GPC5: variants seen among roughly 807,000 people sequenced by gnomAD.
GPC5 encodes the protein glypican 5.
A neutral mutation model predicts 53.9 loss-of-function variants in GPC5; 47 were observed. That is an observed-to-expected ratio of 0.87 (90% CI 0.69 to 1.11). The LOEUF is 1.11. GPC5 is among the 50% of genes most tolerant of loss of function. GPC5 has a pLI of 0.00. For synonymous variants in GPC5, 286 were observed against 263.3 expected, an observed-to-expected ratio of 1.09 and a Z score of -0.84; for missense variants, 748 against 713.1, an observed-to-expected ratio of 1.05 and a Z score of -0.56.
intron 2 of GPC5, among the ~76,000 whole-genome samples, chr13:91,571,691 C>T (rs993221840): frequency 6.6e-6 from 1 of 150,514 alleles, no homozygotes; most frequent in Non-Finnish European, 1.5e-5. Flanking sequence ...TGCCCCTTCA[C>T]TCCAGCCTAC....
intron 7 of GPC5, among the ~76,000 whole-genome samples, chr13:92,507,353 A>G (rs1023849901): frequency 6.6e-6 from 1 of 152,226 alleles, no homozygotes; most frequent in Non-Finnish European, 1.5e-5. Context: ...CAAACGCTTG[A>G]TGAGTAAATG....
In GPC5 at chr13:91,960,477, AC is replaced by A. The variant is rs199883842; in HGVS notation, c.1401+52421del. ...CTTTCCAATCAATATTATTAAAATG[AC>A]TGTCTTAGCCAAAGCAATCTATAGA... is the stretch of plus-strand genomic sequence containing the variant. On this transcript the variant is annotated intron_variant, in intron 6 of 7. Coordinates refer to ENST00000377067, the MANE Select transcript of GPC5 (RefSeq NM_004466.6). Among the ~76,000 whole-genome samples the A allele has an allele frequency of 3.0e-4, 45 of 152,128 alleles. No individual in the cohort carries two copies. The East Asian group carries it at 8.5e-3, about 29-fold the overall frequency.
chr13:91,638,607 C>T, intron 2 of GPC5, among the ~76,000 whole-genome samples: 1 of 152,170 alleles, frequency 6.6e-6, no homozygotes, highest in Non-Finnish European at 1.5e-5. Context: ...CTCAAGTGAT[C>T]TGCCCGCCTC....
intron 7 of GPC5, among the ~76,000 whole-genome samples, chr13:92,301,252 C>G (rs748918585): frequency 6.6e-6 from 1 of 152,084 alleles, no homozygotes; most frequent in Non-Finnish European, 1.5e-5. Flanking sequence ...GTCTTCCAGA[C>G]AGAAGTGAAT....
chr13:91,797,486 C>G (rs1188658898), intron 5 of GPC5, among the ~76,000 whole-genome samples: 1 of 152,104 alleles, frequency 6.6e-6, no homozygotes, highest in Non-Finnish European at 1.5e-5. Flanking sequence ...AATGAATCAT[C>G]TAAGACTATT....
intron 2 of GPC5, among the ~76,000 whole-genome samples, chr13:91,562,396 A>G (rs1315069419): frequency 6.6e-6 from 1 of 152,012 alleles, no homozygotes; most frequent in Non-Finnish European, 1.5e-5. Context: ...ATTTAGGAAA[A>G]GAAATCATAC....
At chr13:92,024,776 T>G (rs573801147) in intron 6 of GPC5, among the ~76,000 whole-genome samples, 1 of 152,296 alleles carries the variant, frequency 6.6e-6, no homozygotes, top group African/African-American at 2.4e-5. Flanking sequence ...AAAGATTTAA[T>G]CTGCTGTAAT....
chr13:91,726,344 A>T (rs2036575628), intron 3 of GPC5, among the ~76,000 whole-genome samples: 1 of 152,152 alleles, frequency 6.6e-6, no homozygotes, highest in African/African-American at 2.4e-5. Flanking sequence ...CTTGCCTTGA[A>T]TGGTTTTCTC....
intron 7 of GPC5, among the ~76,000 whole-genome samples, chr13:92,628,534 G>A (rs1294738880): frequency 2.6e-5 from 4 of 151,900 alleles, no homozygotes; most frequent in Non-Finnish European, 5.9e-5. Context: ...TAGCTCTCAG[G>A]TATCCAAAAC....
chr13:92,335,600 AT>A (rs1035739162), intron 7 of GPC5, among the ~76,000 whole-genome samples: 44 of 152,178 alleles, frequency 2.9e-4, no homozygotes, highest in African/African-American at 1.0e-3. Context: ...CAGGGTACAG[AT>A]TTTTTAAACT....
rs168214 is a variant in GPC5 at position 91,682,113 on chromosome 13, C to G, written c.326-11074C>G. 8.7e-3 allele frequency among the ~76,000 whole-genome samples: 1,328 copies of G among 152,204 alleles called. 17 individuals carry two copies. Among genetic ancestry groups the G allele is most frequent in the African/African-American group, 0.031 (1,274 of 41,530 alleles). ...AGGCTCTGCTACTTTCTGTATAAACCTTGATCAAATCACTTACACTCTCAG... is the reference window on the plus strand; with the variant it reads ...AGGCTCTGCTACTTTCTGTATAAACGTTGATCAAATCACTTACACTCTCAG... On this transcript the variant is annotated intron_variant, in intron 2 of 7. Transcript: ENST00000377067.
intron 7 of GPC5, among the ~76,000 whole-genome samples, chr13:92,712,881 TGAAGACAGACGGA>T (rs1888187150): frequency 6.6e-6 from 1 of 152,122 alleles, no homozygotes; most frequent in Admixed American, 6.5e-5. Flanking sequence ...GAAGACCATG[TGAAGACAGACGGA>T]GAAGACAGCT....
chr13:92,326,121 T>G (rs1353160938), intron 7 of GPC5, among the ~76,000 whole-genome samples: 2 of 152,100 alleles, frequency 1.3e-5, no homozygotes, highest in East Asian at 3.9e-4. Context: ...AAAATATTAT[T>G]TACTGTATTA....
At chr13:91,708,809 G>A (rs530330861) in intron 3 of GPC5, among the ~76,000 whole-genome samples, 1 of 152,198 alleles carries the variant, frequency 6.6e-6, no homozygotes, top group Non-Finnish European at 1.5e-5. Context: ...CTTTCTGTTG[G>A]CATACTCTTT....
chr13:92,698,908 T>A (rs1887641400), intron 7 of GPC5, among the ~76,000 whole-genome samples: 1 of 152,166 alleles, frequency 6.6e-6, no homozygotes, highest in Non-Finnish European at 1.5e-5. Context: ...TCTTTTTTAT[T>A]GTGTCTCTGC....
At chr13:91,821,820 T>G (rs1370533354) in intron 5 of GPC5, among the ~76,000 whole-genome samples, 2 of 152,190 alleles carry the variant, frequency 1.3e-5, no homozygotes, top group Non-Finnish European at 2.9e-5. Context: ...ATCAATTTAT[T>G]AATATTTTTA....
intron 2 of GPC5, among the ~76,000 whole-genome samples, chr13:91,551,016 C>A (rs2030606816): frequency 6.6e-6 from 1 of 152,064 alleles, no homozygotes; most frequent in Admixed American, 6.6e-5. Flanking sequence ...TCTTTATTAG[C>A]AGTGTGAGAA....
At chr13:92,783,470 T>A (rs1181382046) in intron 7 of GPC5, among the ~76,000 whole-genome samples, 5 of 152,210 alleles carry the variant, frequency 3.3e-5, no homozygotes, top group African/African-American at 1.2e-4. Flanking sequence ...AATCCCCTAT[T>A]TTGGAAACTC....
intron 7 of GPC5, among the ~76,000 whole-genome samples, chr13:92,579,270 CCTCCCTCTCTCTCT>C (rs1566302705): frequency 3.8e-5 from 1 of 26,034 alleles, no homozygotes; most frequent in African/African-American, 2.7e-4. Context: ...TCCCTCCCTC[CCTCCCTCTCTCTCT>C]CTCTCTCTCT....
Sources: gnomAD v4.1 joint callset for allele counts (sites outside exome capture counted in the v4.1 genomes callset) on GRCh38, gnomAD v4.1.1 for gene constraint, MANE v1.5 for transcripts, NCBI Gene and HGNC (gene_info 2026-07-23, HGNC 2026-07-21) for gene names.